VPS13A: variants seen among roughly 807,000 people sequenced by gnomAD.
VPS13A encodes the protein intermembrane lipid transfer protein VPS13A.
A neutral mutation model predicts 390.9 loss-of-function variants in VPS13A; 264 were observed. The observed-to-expected ratio is 0.68, with a 90% confidence interval of 0.61 to 0.75. VPS13A has a LOEUF of 0.75. Among genes scored for constraint, VPS13A ranks in the 30% least tolerant of loss-of-function variants. The pLI is 0.00. For missense variants in VPS13A, 3,409 were observed against 3,733.9 expected, an observed-to-expected ratio of 0.91 and a Z score of 2.27; for synonymous variants, 1,231 against 1,227.1, an observed-to-expected ratio of 1.00 and a Z score of -0.07.
chr9:77,275,721 A>G, intron 25 of VPS13A, 69 bp downstream of exon 25: 1 of 1,504,450 alleles, frequency 6.6e-7, no homozygotes, highest in Non-Finnish European at 9.2e-7. Context: ...CTTACTATAT[A>G]GTCTCATTGT....
In VPS13A at chr9:77,403,281, G is replaced by C; in HGVS notation, c.9235G>C (p.Val3079Leu). 6.2e-7 allele frequency: 1 copy of C among 1,612,352 alleles called. No homozygotes were observed. The highest frequency in any genetic ancestry group is 1.3e-5 in the African/African-American group (1 of 75,010). Reference protein sequence around the residue: ...RFAKYKYFTHVMINKTDMLMI... With the variant: ...RFAKYKYFTHLMINKTDMLMI... ...TGCAAAATACAAATATTTTACCCATGTCATGATCAATAAGACAGATATGCT... is the reference window on the plus strand; with the variant it reads ...TGCAAAATACAAATATTTTACCCATCTCATGATCAATAAGACAGATATGCT... Residue 3079 changes from valine to leucine, a missense_variant, in exon 69 of 72, where the codon GTC becomes CTC. Coordinates refer to ENST00000360280, the MANE Select transcript of VPS13A (RefSeq NM_033305.3).
chr9:77,353,720 T>A, intron 54 of VPS13A, 79 bp downstream of exon 54: 1 of 1,343,198 alleles, frequency 7.4e-7, no homozygotes, highest in South Asian at 1.3e-5. Context: ...AAATCTCAAA[T>A]GATTTAGTTT....
intron 31 of VPS13A, among the ~76,000 whole-genome samples, chr9:77,287,490 G>A (rs73467912): frequency 0.14 from 21,807 of 152,014 alleles, 1,849 homozygotes; most frequent in African/African-American, 0.23. Context: ...GAGCCACAGC[G>A]CCTGGCCTAT....
At chr9:77,178,002 T>G (rs1322248155) in intron 1 of VPS13A, 198 bp downstream of exon 1, 5 of 568,634 alleles carry the variant, frequency 8.8e-6, no homozygotes, top group Non-Finnish European at 1.6e-5. Flanking sequence ...GTTTATATTT[T>G]GGGGGAAAGG....
chr9:77,224,112 G>C (rs1428591975), intron 13 of VPS13A, among the ~76,000 whole-genome samples: 2 of 152,200 alleles, frequency 1.3e-5, no homozygotes, highest in East Asian at 3.9e-4. Flanking sequence ...CCCAAGCTCA[G>C]ACCTACTGCT....
At chr9:77,246,763 A>G (rs1824839854) in intron 19 of VPS13A, among the ~76,000 whole-genome samples, 2 of 152,146 alleles carry the variant, frequency 1.3e-5, no homozygotes, top group African/African-American at 4.8e-5. Flanking sequence ...GACCTAGGGA[A>G]TGGAAAACTC....
At chr9:77,386,874 A>AT (rs1199329407) in intron 68 of VPS13A, among the ~76,000 whole-genome samples, 2 of 151,732 alleles carry the variant, frequency 1.3e-5, no homozygotes, top group Non-Finnish European at 2.9e-5. Context: ...CACCCGGCTA[A>AT]TTTTTTGTGT....
chr9:77,295,273 G>A (rs1020569360), intron 32 of VPS13A, among the ~76,000 whole-genome samples: 7 of 152,054 alleles, frequency 4.6e-5, no homozygotes, highest in African/African-American at 1.2e-4. Flanking sequence ...AGTGAGATAA[G>A]GGAAGTAGAT....
intron 33 of VPS13A, among the ~76,000 whole-genome samples, chr9:77,298,992 C>T (rs889816082): frequency 1.3e-5 from 2 of 152,134 alleles, no homozygotes; most frequent in African/African-American, 4.8e-5. Flanking sequence ...AGCCAGTTTT[C>T]CCAACACTAT....
intron 68 of VPS13A, among the ~76,000 whole-genome samples, chr9:77,394,130 C>T (rs777856755): frequency 2.8e-4 from 43 of 151,982 alleles, no homozygotes; most frequent in Non-Finnish European, 4.6e-4. Context: ...AGTGATATGG[C>T]CTTGGCTTAT....
intron 1 of VPS13A, among the ~76,000 whole-genome samples, chr9:77,198,506 T>C (rs1384260089): frequency 6.6e-6 from 1 of 152,214 alleles, no homozygotes; most frequent in Non-Finnish European, 1.5e-5. Flanking sequence ...TTTGGAGTTT[T>C]GGATTAGTGA....
chr9:77,412,404 G>A (rs1010053303), intron 71 of VPS13A, among the ~76,000 whole-genome samples: 2 of 152,202 alleles, frequency 1.3e-5, no homozygotes, highest in Admixed American at 1.3e-4. Flanking sequence ...CCATGATCAA[G>A]TGGGCTTCAT....
intron 2 of VPS13A, among the ~76,000 whole-genome samples, chr9:77,200,715 T>C (rs1448034770): frequency 1.3e-5 from 2 of 152,158 alleles, no homozygotes; most frequent in African/African-American, 4.8e-5. Flanking sequence ...TGATAAAGAC[T>C]AGTTCATTTT....
chr9:77,264,049 G>T (rs367664912), intron 23 of VPS13A, among the ~76,000 whole-genome samples: 1 of 151,810 alleles, frequency 6.6e-6, no homozygotes, highest in East Asian at 1.9e-4. Flanking sequence ...TTTAAATAGG[G>T]AATCTTTCCC....
At chr9:77,261,898 T>G (rs1825783911) in intron 23 of VPS13A, among the ~76,000 whole-genome samples, 1 of 152,260 alleles carries the variant, frequency 6.6e-6, no homozygotes, top group African/African-American at 2.4e-5. Flanking sequence ...TTTGCTTAAC[T>G]TATAGTTTGC....
chr9:77,414,601 A>T (rs1835086826), intron 71 of VPS13A, among the ~76,000 whole-genome samples: 1 of 151,164 alleles, frequency 6.6e-6, no homozygotes, highest in Non-Finnish European at 1.5e-5. Flanking sequence ...GGATGGGGGG[A>T]GGGAGGAGGG....
chr9:77,247,187 T>C (rs985207106), intron 19 of VPS13A, 72 bp from the exon 20 acceptor site: 36 of 1,277,782 alleles, frequency 2.8e-5, no homozygotes, highest in Non-Finnish European at 3.7e-5. Flanking sequence ...TATCAGTTCA[T>C]ATATTTAGTG....
At chr9:77,245,887 G>A (rs956645808) in intron 19 of VPS13A, among the ~76,000 whole-genome samples, 5 of 152,192 alleles carry the variant, frequency 3.3e-5, no homozygotes, top group African/African-American at 1.2e-4. Flanking sequence ...TCTGCTTTTG[G>A]TGAGGGTTTC....
Position 77,375,389 on chromosome 9 carries a change from CATT to C in VPS13A, c.9077+4245_9077+4247del, listed in dbSNP as rs1470161261. On this transcript the variant is annotated intron_variant, in intron 67 of 71. Coordinates refer to ENST00000360280, the MANE Select transcript of VPS13A (RefSeq NM_033305.3). Reference sequence around the variant, plus strand: ...AGCTACATGAAAGCAACATTGGAAACATTATTAAAACATAATAAAATGCAATTT... The same window carrying C: ...AGCTACATGAAAGCAACATTGGAAACATTAAAACATAATAAAATGCAATTT... Among the ~76,000 whole-genome samples the C allele has an allele frequency of 3.9e-5, 6 of 152,158 alleles. No individual in the cohort carries two copies. The East Asian group carries it at 9.6e-4, about 24-fold the overall frequency.
Sources: gnomAD v4.1 joint callset for allele counts (sites outside exome capture counted in the v4.1 genomes callset) on GRCh38, gnomAD v4.1.1 for gene constraint, MANE v1.5 for transcripts, NCBI Gene and HGNC (gene_info 2026-07-23, HGNC 2026-07-21) for gene names.